MIA2: variants seen among roughly 807,000 people sequenced by gnomAD.
MIA2 encodes the protein MIA SH3 domain ER export factor 2, also known as melanoma inhibitory activity protein 2.
Under a neutral mutation model 167.8 loss-of-function variants are expected in MIA2, and 127 were observed. The observed-to-expected ratio is 0.76, with a 90% CI of 0.66 to 0.88. MIA2 has a LOEUF of 0.88. MIA2 is among the 40% of genes least tolerant of loss of function. The probability of loss-of-function intolerance (pLI) is 0.00; values close to 1 mark genes in which losing one functional copy is unlikely to be tolerated. For synonymous variants in MIA2, 552 were observed against 541.9 expected, an observed-to-expected ratio of 1.02 and a Z score of -0.26; for missense variants, 1,690 against 1,624.7, an observed-to-expected ratio of 1.04 and a Z score of -0.69.
At chr14:39,285,530 A>C (rs1380440751) in intron 9 of MIA2, among the ~76,000 whole-genome samples, 7 of 102,374 alleles carry the variant, frequency 6.8e-5, no homozygotes, top group African/African-American at 1.2e-4. Context: ...CTGACCCCCC[A>C]CCTCCCTCCC....
At chr14:39,296,909 G>A (rs922290031) in intron 13 of MIA2, among the ~76,000 whole-genome samples, 1 of 151,532 alleles carries the variant, frequency 6.6e-6, no homozygotes, top group African/African-American at 2.4e-5. Context: ...CCGAGTAGCT[G>A]GGATTATAGG....
chr14:39,265,159 G>GTATATATA, intron 6 of MIA2: 1 of 379,616 alleles, frequency 2.6e-6, no homozygotes, highest in South Asian at 4.7e-5. Context: ...ATGTGTGTGA[G>GTATATATA]TATATATATA....
At chr14:39,351,977 CATCAAAGTCAA>C (rs1313537980), downstream of MIA2, among the ~76,000 whole-genome samples, 1 of 150,074 alleles carries the variant, frequency 6.7e-6, no homozygotes, top group Non-Finnish European at 1.5e-5. Flanking sequence ...TGTTCTTAAA[CATCAAAGTCAA>C]ATGACCGATT....
intron 23 of MIA2, chr14:39,385,726 C>T (rs1357433904): frequency 1.6e-5 from 15 of 927,008 alleles, no homozygotes; most frequent in Middle Eastern, 3.2e-4. Context: ...GTCCTTCTTA[C>T]GTGTCTCTAC....
chr14:39,295,732 G>A (rs1040499190), intron 13 of MIA2, among the ~76,000 whole-genome samples: 3 of 151,880 alleles, frequency 2.0e-5, no homozygotes, highest in African/African-American at 7.3e-5. Flanking sequence ...GCTAATTTTT[G>A]TATTTTTAGT....
At chr14:39,317,789 T>C (rs74048727) in intron 21 of MIA2, among the ~76,000 whole-genome samples, 155 bp from the exon 22 acceptor site, 34 of 152,312 alleles carry the variant, frequency 2.2e-4, no homozygotes, top group African/African-American at 7.5e-4. Context: ...GTCTAAGTCT[T>C]ACACTTTTTC....
At chr14:39,291,810 T>TAC (rs2060773994) in intron 10 of MIA2, among the ~76,000 whole-genome samples, 1 of 152,216 alleles carries the variant, frequency 6.6e-6, no homozygotes, top group Non-Finnish European at 1.5e-5. Context: ...TTAGCTAAAC[T>TAC]AAGACAGATT....
Position 39,247,587 on chromosome 14 carries a change from T to G in MIA2, c.1013T>G (p.Leu338Arg). 1.9e-6 allele frequency: 3 copies of G among 1,614,046 alleles called. No individual in the cohort carries two copies. The highest frequency in any genetic ancestry group is 2.5e-6 in the Non-Finnish European group (3 of 1,180,010). ...ATAGCTGAAGAAAGCAATCCACCAC[T>G]ACAAGATTTTCCCAATTCCATATCA... ...ELIAEESNPP[L>R]QDFPNSISSD... The change falls in exon 4 of 29, where the codon CTA becomes CGA. Residue 338 changes from leucine (L) to arginine (R), a missense_variant. Transcript: ENST00000640607.
At chr14:39,299,152 T>C (rs2061985042) in intron 13 of MIA2, among the ~76,000 whole-genome samples, 1 of 151,100 alleles carries the variant, frequency 6.6e-6, no homozygotes, top group Non-Finnish European at 1.5e-5. Flanking sequence ...TTATATTTGA[T>C]TTGTGAAGCT....
intron 9 of MIA2, among the ~76,000 whole-genome samples, chr14:39,287,906 A>G (rs1379053781): frequency 1.3e-5 from 2 of 152,010 alleles, no homozygotes; most frequent in Non-Finnish European, 2.9e-5. Context: ...GTGCAGTGGC[A>G]TGCTCATGGC....
chr14:39,288,462 TATA>T lies in MIA2; in HGVS notation c.2131-2556_2131-2554del, dbSNP rs1307680512. Among the ~76,000 whole-genome samples the T allele has an allele frequency of 9.5e-4, 19 of 20,046 alleles. 1 individual carries two copies. The highest frequency in any genetic ancestry group is 1.7e-3 in the African/African-American group (10 of 5,728). The allele number at this position is 20,046 out of a possible 152,430, so 13.2% of individuals were successfully genotyped here. On this transcript the variant is annotated intron_variant, in intron 9 of 28. Coordinates refer to ENST00000640607, the MANE Select transcript of MIA2 (RefSeq NM_001329214.4). ...ATATATATATATATATATATATATA[TATA>T]TATATATATATTTTTTTTTTTTTTT... is the stretch of plus-strand genomic sequence containing the variant.
At chr14:39,373,897 C>G (rs1367279517) in intron 23 of MIA2, among the ~76,000 whole-genome samples, 1 of 152,172 alleles carries the variant, frequency 6.6e-6, no homozygotes. Context: ...TGCAGTGGTT[C>G]ATGCTTGTAA....
At chr14:39,380,498 T>G (rs537404279) in intron 23 of MIA2, among the ~76,000 whole-genome samples, 10 of 151,880 alleles carry the variant, frequency 6.6e-5, no homozygotes, top group African/African-American at 1.7e-4. Flanking sequence ...ATAGAGAGCA[T>G]CCTGGCCAAC....
chr14:39,273,806 T>C (rs137956858), intron 6 of MIA2, among the ~76,000 whole-genome samples: 1 of 152,220 alleles, frequency 6.6e-6, no homozygotes, highest in Non-Finnish European at 1.5e-5. Context: ...TCTTGTGTGA[T>C]GTATTTGTCT....
intron 6 of MIA2, among the ~76,000 whole-genome samples, chr14:39,261,439 G>T (rs1444024940): frequency 2.6e-5 from 4 of 152,114 alleles, no homozygotes; most frequent in Non-Finnish European, 5.9e-5. Flanking sequence ...GAATAGTGCT[G>T]CAATAAACAT....
rs756147723 is a variant in MIA2, at chr14:39,246,927, GTCT to G, written c.358_360del (p.Leu120del). 6.6e-7 allele frequency: 1 copy of G among 1,509,354 alleles called. No homozygotes were observed. Among genetic ancestry groups the G allele is most frequent in the Admixed American group, 2.4e-5 (1 of 42,062 alleles). 93.5% of individuals were successfully genotyped at this position (1,509,354 alleles called of 1,614,324 possible). On this transcript the variant is annotated inframe_deletion, in exon 4 of 29. Coordinates refer to ENST00000640607, the MANE Select transcript of MIA2 (RefSeq NM_001329214.4). ...TCCTTTTAGGAATCTGACTTTCTTT[GTCT>G]TCTTGGAGTAAGTTACACATTTGAC...
chr14:39,366,878 G>A (rs1815510043), intron 23 of MIA2, among the ~76,000 whole-genome samples: 1 of 152,204 alleles, frequency 6.6e-6, no homozygotes, highest in Non-Finnish European at 1.5e-5. Flanking sequence ...GCTCTAGGGA[G>A]GACAAACTTC....
chr14:39,330,797 G>T (rs970997208), intron 25 of MIA2, among the ~76,000 whole-genome samples: 1 of 152,156 alleles, frequency 6.6e-6, no homozygotes, highest in Non-Finnish European at 1.5e-5. Flanking sequence ...TTAATCCTGA[G>T]TTCTAATTTG....
chr14:39,250,849 A>T (rs1435941567), intron 4 of MIA2, among the ~76,000 whole-genome samples: 1 of 151,732 alleles, frequency 6.6e-6, no homozygotes, highest in Non-Finnish European at 1.5e-5. Context: ...TTTTATGAAA[A>T]TATTCAGAAA....
Sources: gnomAD v4.1 joint callset for allele counts (sites outside exome capture counted in the v4.1 genomes callset) on GRCh38, gnomAD v4.1.1 for gene constraint, MANE v1.5 for transcripts, NCBI Gene and HGNC (gene_info 2026-07-23, HGNC 2026-07-21) for gene names.